The following TAFA1 variants were observed in gnomAD, a reference collection of about 807,000 sequenced individuals.
TAFA1 encodes chemokine-like protein TAFA-1.
In TAFA1, 4 loss-of-function variants were observed where a neutral mutation model predicts 18.5. The observed-to-expected ratio is 0.22, with a 90% CI of 0.11 to 0.49. The LOEUF (loss-of-function observed/expected upper bound fraction) is 0.49, where lower values mean the gene tolerates loss of function less well. TAFA1 is among the 20% of genes least tolerant of loss of function. TAFA1 has a pLI of 0.98. For missense variants in TAFA1, 147 were observed against 169.0 expected (o/e 0.87, Z 0.72); for synonymous variants, 56 against 55.2 (o/e 1.01, Z -0.06).
chr3:68,003,868 C>G (rs1421050572), upstream of TAFA1, among the ~76,000 whole-genome samples: 2 of 152,146 alleles, frequency 1.3e-5, no homozygotes, highest in Non-Finnish European at 2.9e-5. Context: ...GTCTATTTAA[C>G]TGCTGAAACA....
chr3:68,083,114 G>A (rs1035036687), intron 2 of TAFA1, among the ~76,000 whole-genome samples: 7 of 152,128 alleles, frequency 4.6e-5, no homozygotes, highest in Non-Finnish European at 1.0e-4. Context: ...GCATAATGGA[G>A]CCCGAAAGGA....
intron 2 of TAFA1, among the ~76,000 whole-genome samples, chr3:68,334,154 C>T (rs2068929983): frequency 6.6e-6 from 1 of 152,116 alleles, no homozygotes; most frequent in East Asian, 1.9e-4. Flanking sequence ...TTATGACACA[C>T]ATAAAATAAT....
At chr3:68,360,893 G>A (rs2069455743) in intron 2 of TAFA1, among the ~76,000 whole-genome samples, 2 of 151,970 alleles carry the variant, frequency 1.3e-5, no homozygotes, top group Admixed American at 1.3e-4. Flanking sequence ...ATATTAAGCT[G>A]GCGAGAGGCT....
chr3:68,225,473 C>T (rs1435247828), intron 2 of TAFA1, among the ~76,000 whole-genome samples: 1 of 152,140 alleles, frequency 6.6e-6, no homozygotes, highest in Non-Finnish European at 1.5e-5. Flanking sequence ...TATGGTGCCA[C>T]AGAAGGAAGG....
At chr3:68,277,606 T>G (rs1400359544) in intron 2 of TAFA1, among the ~76,000 whole-genome samples, 1 of 152,146 alleles carries the variant, frequency 6.6e-6, no homozygotes, top group Non-Finnish European at 1.5e-5. Flanking sequence ...TGGAACTATT[T>G]CACATGGACC....
chr3:68,251,322 A>G (rs895524858), intron 2 of TAFA1, among the ~76,000 whole-genome samples: 1 of 152,122 alleles, frequency 6.6e-6, no homozygotes, highest in Non-Finnish European at 1.5e-5. Context: ...TAGCTACTTA[A>G]AAAAAAGTTT....
chr3:68,177,463 A>G (rs894608279), intron 2 of TAFA1, among the ~76,000 whole-genome samples: 6 of 152,156 alleles, frequency 3.9e-5, no homozygotes, highest in Admixed American at 2.6e-4. Flanking sequence ...TTTTGAAGAG[A>G]GAAACTTGTC....
intron 2 of TAFA1, among the ~76,000 whole-genome samples, chr3:68,320,792 G>C (rs896327121): frequency 2.0e-5 from 3 of 152,142 alleles, no homozygotes; most frequent in Admixed American, 6.5e-5. Context: ...GCAGGAATTT[G>C]AGAAAGCATG....
intron 2 of TAFA1, among the ~76,000 whole-genome samples, chr3:68,211,008 A>T (rs1031291634): frequency 6.6e-6 from 1 of 151,928 alleles, no homozygotes; most frequent in Admixed American, 6.6e-5. Context: ...TTGAAAGGAG[A>T]CCTTTGTCCC....
intron 2 of TAFA1, among the ~76,000 whole-genome samples, chr3:68,327,381 T>A (rs9866758): frequency 0.046 from 7,063 of 152,232 alleles, 178 homozygotes; most frequent in African/African-American, 0.073. Context: ...TGTAAAAATG[T>A]ATTTGTAAGA....
intron 2 of TAFA1, among the ~76,000 whole-genome samples, chr3:68,294,831 C>T (rs1575754595): frequency 2.0e-5 from 3 of 152,072 alleles, no homozygotes; most frequent in South Asian, 2.1e-4. Flanking sequence ...GAGCCATGAT[C>T]GTGCCACTTC....
chr3:68,132,499 G>A (rs1189191663), intron 2 of TAFA1, among the ~76,000 whole-genome samples: 1 of 152,152 alleles, frequency 6.6e-6, no homozygotes, highest in African/African-American at 2.4e-5. Context: ...CACCAACAGA[G>A]TAAAGTGTTC....
chr3:68,388,677 A>G (rs919491640), intron 2 of TAFA1, among the ~76,000 whole-genome samples: 6 of 152,144 alleles, frequency 3.9e-5, no homozygotes, highest in African/African-American at 7.2e-5. Context: ...CTTTCGGCCT[A>G]TATTCCAAAA....
At chr3:68,280,629 C>T (rs1357708271) in intron 2 of TAFA1, among the ~76,000 whole-genome samples, 2 of 151,682 alleles carry the variant, frequency 1.3e-5, no homozygotes, top group African/African-American at 2.4e-5. Context: ...TTTTTTTTCC[C>T]CCTTCTGCAC....
chr3:68,348,941 C>T lies in TAFA1; in HGVS notation c.119-68339C>T, dbSNP rs1168719972. 4.6e-5 allele frequency among the ~76,000 whole-genome samples: 7 copies of T among 151,840 alleles called. No individual in the cohort carries two copies. In the East Asian group the frequency reaches 1.4e-3, roughly 30 times the overall value. On this transcript the variant is annotated intron_variant, in intron 2 of 4. Transcript: ENST00000478136. The stretch of plus-strand genomic sequence containing the variant: ...TGAATGGCTTTTAATAATTTTAAAA[C>T]ATGGTTGATACAAGGTGTAGAAGCT...
chr3:68,402,032 C>A (rs2070503671), intron 2 of TAFA1, among the ~76,000 whole-genome samples: 1 of 152,064 alleles, frequency 6.6e-6, no homozygotes, highest in South Asian at 2.1e-4. Context: ...TATAATTTCC[C>A]CATAAAAACT....
intron 2 of TAFA1, among the ~76,000 whole-genome samples, chr3:68,184,856 T>A (rs2066251128): frequency 6.6e-6 from 1 of 152,158 alleles, no homozygotes; most frequent in Admixed American, 6.5e-5. Context: ...CCCAATGTGA[T>A]GAAGCAGATT....
intron 3 of TAFA1, among the ~76,000 whole-genome samples, chr3:68,512,128 C>T (rs2072856287): frequency 6.6e-6 from 1 of 152,094 alleles, no homozygotes; most frequent in African/African-American, 2.4e-5. Flanking sequence ...TGATAAAGTT[C>T]TTAACCACTT....
At chr3:67,998,012 G>A in the TAFA1 span, among the ~76,000 whole-genome samples, 1 of 150,652 alleles carries the variant, frequency 6.6e-6, no homozygotes, top group African/African-American at 2.4e-5. Flanking sequence ...AAAATACAAT[G>A]AAAAATCATA....
Sources: allele counts gnomAD v4.1 joint callset (sites outside exome capture counted in the v4.1 genomes callset), GRCh38; gene constraint gnomAD v4.1.1; transcripts MANE v1.5; gene names NCBI Gene and HGNC (gene_info 2026-07-23, HGNC 2026-07-21).